COL24A1: variants seen among roughly 807,000 people sequenced by gnomAD.
COL24A1 encodes collagen type XXIV alpha 1 chain.
In COL24A1, 224 loss-of-function variants were observed where a neutral mutation model predicts 253.9. That is an observed-to-expected ratio of 0.88 (90% CI 0.79 to 0.99). COL24A1 has a LOEUF of 0.99. Among genes scored for constraint, COL24A1 ranks in the 50% least tolerant of loss-of-function variants. The pLI is 0.00. For synonymous variants in COL24A1, 685 were observed against 673.7 expected, an observed-to-expected ratio of 1.02 and a Z score of -0.26; for missense variants, 2,131 against 2,068.5, an observed-to-expected ratio of 1.03 and a Z score of -0.59.
chr1:85,881,727 T>G (rs1238973044), intron 32 of COL24A1, among the ~76,000 whole-genome samples: 2 of 152,224 alleles, frequency 1.3e-5, no homozygotes, highest in African/African-American at 4.8e-5. Context: ...CTTTCACTTC[T>G]GATATTAGTA....
Position 85,902,793 on chromosome 1 carries a change from T to C in COL24A1, c.2778+4401A>G, listed in dbSNP as rs372739287. Among the ~76,000 whole-genome samples, 15 of 152,230 alleles carry C rather than the reference T, an allele frequency of 9.9e-5. No individual in the cohort carries two copies. In the East Asian group the frequency reaches 2.9e-3, roughly 29 times the overall value. On this transcript the variant is annotated intron_variant, in intron 28 of 59. Transcript: ENST00000370571. Reference sequence around the variant, plus strand: ...GGAGAGGGAGATAAAGGGAGGTTAGTGGGTACAAACATGCAATGAAATAGA... The same window carrying C: ...GGAGAGGGAGATAAAGGGAGGTTAGCGGGTACAAACATGCAATGAAATAGA...
chr1:85,934,111 C>T (rs1163385116), intron 24 of COL24A1, among the ~76,000 whole-genome samples: 1 of 152,138 alleles, frequency 6.6e-6, no homozygotes, highest in Non-Finnish European at 1.5e-5. Context: ...TTTCCTCAAT[C>T]CATAGACCTG....
chr1:85,919,571 C>G (rs1686241940), intron 24 of COL24A1, among the ~76,000 whole-genome samples: 1 of 152,290 alleles, frequency 6.6e-6, no homozygotes, highest in East Asian at 1.9e-4. Flanking sequence ...GTAGTCCCAG[C>G]TACTCAGAAG....
intron 22 of COL24A1, among the ~76,000 whole-genome samples, chr1:85,969,209 ACT>A (rs1351867040): frequency 6.6e-6 from 1 of 151,984 alleles, no homozygotes; most frequent in South Asian, 2.1e-4. Flanking sequence ...TAAAATGAAA[ACT>A]CTTTTTTTTC....
At chr1:86,072,199 C>T (rs1163212107) in intron 7 of COL24A1, among the ~76,000 whole-genome samples, 1 of 152,136 alleles carries the variant, frequency 6.6e-6, no homozygotes, top group Non-Finnish European at 1.5e-5. Flanking sequence ...AGCCAGGGAG[C>T]CAAGTGGTCT....
chr1:85,867,378 G>T (rs550789532), intron 37 of COL24A1, among the ~76,000 whole-genome samples: 2 of 152,214 alleles, frequency 1.3e-5, no homozygotes, highest in Non-Finnish European at 2.9e-5. Flanking sequence ...TGTGGTTTAT[G>T]GGAAGGAGTA....
chr1:86,009,435 TCTAC>T (rs1696300523), intron 19 of COL24A1, among the ~76,000 whole-genome samples: 2 of 152,196 alleles, frequency 1.3e-5, no homozygotes, highest in Admixed American at 1.3e-4. Flanking sequence ...GATAGTATAG[TCTAC>T]TACAAACCTA....
intron 10 of COL24A1, among the ~76,000 whole-genome samples, chr1:86,057,615 T>A (rs1700761065): frequency 6.6e-6 from 1 of 152,184 alleles, no homozygotes; most frequent in Non-Finnish European, 1.5e-5. Context: ...CCTCTTCATA[T>A]TTTTTCCATG....
chr1:86,146,445 G>A (rs937403487), intron 1 of COL24A1, among the ~76,000 whole-genome samples: 1 of 151,810 alleles, frequency 6.6e-6, no homozygotes, highest in East Asian at 1.9e-4. Flanking sequence ...ATTTTCTGAA[G>A]ATTAACTTAA....
rs546984096 is a variant in COL24A1 at position 85,806,030 on chromosome 1, C to T, written c.3951+10758G>A. On this transcript the variant is annotated intron_variant, in intron 47 of 59. Transcript: ENST00000370571. ...GGCGGAGCTTGCAGTGAGCGGAGAT[C>T]GCGCCACTGCACTCCAGGTTGGGCG... Among the ~76,000 whole-genome samples, 419 of 146,672 alleles carry T rather than the reference C, an allele frequency of 2.9e-3. 3 individuals are homozygous for T. The highest frequency in any genetic ancestry group is 4.6e-3 in the Non-Finnish European group (313 of 67,332).
intron 12 of COL24A1, among the ~76,000 whole-genome samples, chr1:86,039,587 T>C (rs1273785376): frequency 6.6e-6 from 1 of 152,130 alleles, no homozygotes; most frequent in Non-Finnish European, 1.5e-5. Flanking sequence ...ACATATTTAA[T>C]CTGAAGTAGA....
At chr1:85,747,906 T>C (rs1404499436) in intron 55 of COL24A1, among the ~76,000 whole-genome samples, 1 of 152,030 alleles carries the variant, frequency 6.6e-6, no homozygotes, top group African/African-American at 2.4e-5. Flanking sequence ...TGCTTATACA[T>C]GATTTTATTA....
chr1:85,848,072 T>C (rs963500058), intron 38 of COL24A1, among the ~76,000 whole-genome samples: 1 of 152,186 alleles, frequency 6.6e-6, no homozygotes, highest in East Asian at 1.9e-4. Context: ...TATGCATGTA[T>C]GTGTTGTTAC....
At chr1:85,769,392 C>T (rs1018866268) in intron 53 of COL24A1, among the ~76,000 whole-genome samples, 2 of 151,926 alleles carry the variant, frequency 1.3e-5, no homozygotes, top group South Asian at 2.1e-4. Flanking sequence ...GCTATTCACA[C>T]AGGCTAGTCA....
At chr1:86,095,876 C>T (rs1054352312) in intron 5 of COL24A1, among the ~76,000 whole-genome samples, 7 of 152,046 alleles carry the variant, frequency 4.6e-5, no homozygotes, top group African/African-American at 1.7e-4. Context: ...TCATTTTTAT[C>T]AGAGTAAGTC....
At chr1:85,983,397 T>C (rs1693429638) in intron 20 of COL24A1, among the ~76,000 whole-genome samples, 1 of 151,934 alleles carries the variant, frequency 6.6e-6, no homozygotes, top group South Asian at 2.1e-4. Flanking sequence ...CACATACAAA[T>C]CCACAATCAG....
chr1:85,817,005 T>C (rs1323615431), intron 46 of COL24A1, 110 bp from the exon 47 acceptor site: 18 of 788,578 alleles, frequency 2.3e-5, no homozygotes, highest in Admixed American at 5.5e-5. Context: ...TATTTTGTTC[T>C]AGGACAAATT....
intron 48 of COL24A1, among the ~76,000 whole-genome samples, chr1:85,785,337 T>G (rs1450972017): frequency 6.6e-5 from 10 of 152,216 alleles, no homozygotes; most frequent in Non-Finnish European, 1.5e-4. Flanking sequence ...GAAATATCTT[T>G]CACACCATTT....
chr1:86,133,604 T>A (rs553488088), intron 2 of COL24A1, among the ~76,000 whole-genome samples: 2 of 152,360 alleles, frequency 1.3e-5, no homozygotes, highest in South Asian at 2.1e-4. Flanking sequence ...TCTGTTGAGA[T>A]AATCATGTGG....
Sources: allele counts gnomAD v4.1 joint callset (sites outside exome capture counted in the v4.1 genomes callset), GRCh38; gene constraint gnomAD v4.1.1; transcripts MANE v1.5; gene names NCBI Gene and HGNC (gene_info 2026-07-23, HGNC 2026-07-21).